Variants in TAFA1 observed in about 807,000 individuals in gnomAD.
The protein encoded by TAFA1 is TAFA chemokine like family member 1, also known as chemokine-like protein TAFA-1.
A neutral mutation model predicts 18.5 loss-of-function variants in TAFA1; 4 were observed. The observed-to-expected ratio is 0.22, with a 90% CI of 0.11 to 0.49. The LOEUF is 0.49. Ranked by LOEUF, TAFA1 falls within the 20% of genes least tolerant of loss-of-function variation. The pLI is 0.98. For missense variants in TAFA1, 147 were observed against 169.0 expected, an observed-to-expected ratio of 0.87 and a Z score of 0.72; for synonymous variants, 56 against 55.2, an observed-to-expected ratio of 1.01 and a Z score of -0.06.
At chr3:68,006,491 T>G (rs1161041768) in intron 1 of TAFA1, 133 bp from the exon 2 acceptor site, 25 of 672,812 alleles carry the variant, frequency 3.7e-5, no homozygotes. Flanking sequence ...TGACCTCTGC[T>G]GGATCATTAG....
chr3:68,037,748 C>A (rs1008320543), intron 2 of TAFA1, among the ~76,000 whole-genome samples: 3 of 152,144 alleles, frequency 2.0e-5, no homozygotes, highest in Admixed American at 2.0e-4. Context: ...CCAGAGGCAA[C>A]GTGGAGAGAG....
chr3:68,244,957 G>A lies in TAFA1; in HGVS notation c.119-172323G>A, dbSNP rs113279748. 6.4e-3 allele frequency among the ~76,000 whole-genome samples: 980 copies of A among 152,296 alleles called. 10 individuals are homozygous for A. The highest frequency in any genetic ancestry group is 0.021 in the African/African-American group (886 of 41,562). On this transcript the variant is annotated intron_variant, in intron 2 of 4. Coordinates refer to ENST00000478136, the MANE Select transcript of TAFA1 (RefSeq NM_213609.4). ...GAATCCATGTCTGTCTAACTTGAAA[G>A]CCTATAATATGCTTAGTAATAAAAT...
intron 2 of TAFA1, among the ~76,000 whole-genome samples, chr3:68,218,952 T>TG (rs1217111176): frequency 6.6e-6 from 1 of 152,118 alleles, no homozygotes; most frequent in Non-Finnish European, 1.5e-5. Context: ...CTTTTGAGTG[T>TG]CCTTGATATT....
At chr3:68,173,790 C>T (rs1383168626) in intron 2 of TAFA1, among the ~76,000 whole-genome samples, 1 of 151,962 alleles carries the variant, frequency 6.6e-6, no homozygotes, top group Non-Finnish European at 1.5e-5. Flanking sequence ...GAGCCCTTCC[C>T]TTCCCTTCAT....
chr3:68,156,766 C>T (rs1444248163), intron 2 of TAFA1, among the ~76,000 whole-genome samples: 1 of 69,404 alleles, frequency 1.4e-5, no homozygotes, highest in East Asian at 4.9e-4. Flanking sequence ...AGTATGTGTT[C>T]TGTGCCAGGG....
chr3:68,033,582 T>C (rs1438685092), intron 2 of TAFA1, among the ~76,000 whole-genome samples: 1 of 152,190 alleles, frequency 6.6e-6, no homozygotes, highest in Non-Finnish European at 1.5e-5. Flanking sequence ...TTTATATGCA[T>C]GTAAGCCAAT....
At chr3:68,491,885 C>T (rs1051790833) in intron 3 of TAFA1, among the ~76,000 whole-genome samples, 1 of 152,190 alleles carries the variant, frequency 6.6e-6, no homozygotes, top group East Asian at 1.9e-4. Flanking sequence ...CCTGTATGTC[C>T]CAGAAATCTG....
chr3:68,478,418 GA>G (rs1199409223), intron 3 of TAFA1, among the ~76,000 whole-genome samples: 12 of 151,722 alleles, frequency 7.9e-5, no homozygotes, highest in Middle Eastern at 3.4e-3. Flanking sequence ...GAAATAAGAA[GA>G]AAAAAAACAA....
chr3:68,434,041 A>G (rs1246934495), intron 3 of TAFA1, among the ~76,000 whole-genome samples: 1 of 152,146 alleles, frequency 6.6e-6, no homozygotes, highest in Non-Finnish European at 1.5e-5. Flanking sequence ...AAAGGATATC[A>G]GAGAAAAGTT....
At chr3:68,486,595 T>C (rs2072344917) in intron 3 of TAFA1, among the ~76,000 whole-genome samples, 1 of 152,212 alleles carries the variant, frequency 6.6e-6, no homozygotes, top group Non-Finnish European at 1.5e-5. Flanking sequence ...AGATGATAAC[T>C]CATCTTTCTA....
At chr3:68,111,092 A>G (rs1414565515) in intron 2 of TAFA1, among the ~76,000 whole-genome samples, 2 of 152,238 alleles carry the variant, frequency 1.3e-5, no homozygotes, top group African/African-American at 2.4e-5. Flanking sequence ...AATCTTTCCT[A>G]TAGAAATATA....
At chr3:68,148,446 T>A (rs772208921) in intron 2 of TAFA1, among the ~76,000 whole-genome samples, 4 of 152,240 alleles carry the variant, frequency 2.6e-5, no homozygotes, top group Non-Finnish European at 5.9e-5. Flanking sequence ...AAATTTACTA[T>A]ACATTTTCAT....
intron 2 of TAFA1, among the ~76,000 whole-genome samples, chr3:68,101,602 C>G (rs1241493816): frequency 1.3e-5 from 2 of 152,010 alleles, no homozygotes; most frequent in Admixed American, 6.6e-5. Flanking sequence ...GTAGGAATAG[C>G]CTTCCATGTT....
At chr3:68,335,721 T>C (rs1403466577) in intron 2 of TAFA1, among the ~76,000 whole-genome samples, 2 of 152,166 alleles carry the variant, frequency 1.3e-5, no homozygotes, top group Non-Finnish European at 2.9e-5. Context: ...CCATTAATTA[T>C]AAAAATTACT....
chr3:68,079,149 G>C (rs186729893), intron 2 of TAFA1, among the ~76,000 whole-genome samples: 90 of 152,288 alleles, frequency 5.9e-4, no homozygotes, highest in African/African-American at 2.0e-3. Flanking sequence ...TGTGGGATTG[G>C]TGGTGATATC....
Position 68,093,562 on chromosome 3 carries a change from T to G in TAFA1, c.118+86818T>G, listed in dbSNP as rs541125415. 3.9e-5 allele frequency among the ~76,000 whole-genome samples: 6 copies of G among 151,962 alleles called. No homozygotes were observed. The South Asian group carries it at 1.0e-3, about 26-fold the overall frequency. ...CAATCTTTGCAGCACTGTGGTGGGATCTCGGGAGGTAGGTCAGTCTAATGG... is the reference window on the plus strand; with the variant it reads ...CAATCTTTGCAGCACTGTGGTGGGAGCTCGGGAGGTAGGTCAGTCTAATGG... On this transcript the variant is annotated intron_variant, in intron 2 of 4. Transcript: ENST00000478136.
At chr3:68,062,571 C>T (rs1323808840) in intron 2 of TAFA1, among the ~76,000 whole-genome samples, 1 of 152,130 alleles carries the variant, frequency 6.6e-6, no homozygotes, top group Non-Finnish European at 1.5e-5. Flanking sequence ...ATAAAATCAA[C>T]AAGGAATTGT....
At chr3:68,187,314 T>A (rs1048560092) in intron 2 of TAFA1, among the ~76,000 whole-genome samples, 3 of 151,902 alleles carry the variant, frequency 2.0e-5, no homozygotes, top group Non-Finnish European at 2.9e-5. Flanking sequence ...AAAGTGAACA[T>A]AAAAAAATAG....
rs141926785 is a variant in TAFA1 at position 68,166,326 on chromosome 3, C to T, written c.118+159582C>T. 3.5e-4 allele frequency among the ~76,000 whole-genome samples: 54 copies of T among 152,280 alleles called. 1 individual carries two copies. The East Asian group carries it at 0.01, about 28-fold the overall frequency. ...CTTTTCTCCCCGTAGCTCTTTGTGT[C>T]TTCCTCCTTCCTATTAGTGCTTTCT... On this transcript the variant is annotated intron_variant, in intron 2 of 4. Coordinates refer to ENST00000478136, the MANE Select transcript of TAFA1 (RefSeq NM_213609.4).
Sources: gnomAD v4.1 joint callset for allele counts (sites outside exome capture counted in the v4.1 genomes callset) on GRCh38, gnomAD v4.1.1 for gene constraint, MANE v1.5 for transcripts, NCBI Gene and HGNC (gene_info 2026-07-23, HGNC 2026-07-21) for gene names.